The following TRPM6 variants were observed in gnomAD, a reference collection of about 807,000 sequenced individuals.
TRPM6 encodes the protein channel kinase 2.
TRPM6 carries 111 observed loss-of-function variants against 247.6 expected under a neutral mutation model. The ratio of observed to expected loss-of-function variants is 0.45; its 90% CI spans 0.38 to 0.52. TRPM6 has a LOEUF of 0.52. TRPM6 is among the 20% of genes least tolerant of loss of function. The pLI, the probability that TRPM6 is intolerant of heterozygous loss-of-function variation, is 0.00. For synonymous variants in TRPM6, 892 were observed against 853.8 expected, an observed-to-expected ratio of 1.04 and a Z score of -0.78; for missense variants, 2,126 against 2,421.5, an observed-to-expected ratio of 0.88 and a Z score of 2.56.
Position 74,760,777 on chromosome 9 carries a change from A to C in TRPM6, c.4785+919T>G, listed in dbSNP as rs192005830. 9.2e-5 allele frequency among the ~76,000 whole-genome samples: 14 copies of C among 152,322 alleles called. No homozygotes were observed. In the East Asian group the frequency reaches 1.7e-3, roughly 19 times the overall value. On this transcript the variant is annotated intron_variant, in intron 27 of 38. Transcript: ENST00000360774. ...CCAGTGTAATCATATTAAGAGATGG[A>C]GACTTTAAGAGGTGACTGGATCATG...
chr9:74,791,391 T>C (rs940354887), intron 19 of TRPM6, among the ~76,000 whole-genome samples: 1 of 152,142 alleles, frequency 6.6e-6, no homozygotes, highest in Non-Finnish European at 1.5e-5. Context: ...GTTTTAGATA[T>C]ACAAACTCTT....
intron 3 of TRPM6, among the ~76,000 whole-genome samples, chr9:74,851,158 T>C (rs1830298054): frequency 6.6e-6 from 1 of 152,138 alleles, no homozygotes; most frequent in Non-Finnish European, 1.5e-5. Flanking sequence ...GAAACAGACC[T>C]CCAAAATTAA....
chr9:74,814,751 C>T (rs1465128226), intron 11 of TRPM6, among the ~76,000 whole-genome samples: 1 of 152,050 alleles, frequency 6.6e-6, no homozygotes, highest in Non-Finnish European at 1.5e-5. Context: ...AGGAGTTCGA[C>T]CAGCCTAGCC....
chr9:74,864,103 G>GCCGGACCATCTCTGGAC (rs367645416), intron 1 of TRPM6, among the ~76,000 whole-genome samples: 1 of 152,046 alleles, frequency 6.6e-6, no homozygotes, highest in African/African-American at 2.4e-5. Flanking sequence ...ATGTTTACTT[G>GCCGGACCATCTCTGGAC]CATTCACTGG....
chr9:74,810,899 C>T (rs770202309), intron 12 of TRPM6, 31 bp from the exon 13 acceptor site: 2 of 1,580,402 alleles, frequency 1.3e-6, no homozygotes, highest in East Asian at 2.2e-5. Flanking sequence ...AAGAATTATT[C>T]TCTTTAATTA....
intron 25 of TRPM6, among the ~76,000 whole-genome samples, chr9:74,766,079 A>C (rs1012975706): frequency 6.6e-6 from 1 of 152,220 alleles, no homozygotes; most frequent in Non-Finnish European, 1.5e-5. Context: ...TCTAATTCAA[A>C]AACAGTACAG....
rs1286102532 is a variant in TRPM6, at chr9:74,724,412, A to C, written c.*201T>G. ...TGTGGAACTTGAGGATGGAGCTGCA[A>C]AGTGCCCTGGACAGAGGTCAGTGTC... On this transcript the variant is annotated 3_prime_UTR_variant, in exon 39 of 39. Transcript: ENST00000360774. 4 of 664,448 alleles carry C rather than the reference A, an allele frequency of 6.0e-6. No homozygotes were observed. The highest frequency in any genetic ancestry group is 3.6e-5 in the African/African-American group (2 of 55,116). The allele number at this position is 664,448 out of a possible 1,614,324, so 41.2% of individuals were successfully genotyped here. A position where few individuals can be genotyped will look rare whatever the true frequency, so the allele number is the denominator to read the frequency against.
At chr9:74,837,755 T>G in intron 5 of TRPM6, among the ~76,000 whole-genome samples, 1 of 150,676 alleles carries the variant, frequency 6.6e-6, no homozygotes, top group Non-Finnish European at 1.5e-5. Context: ...CCCCTTTTTT[T>G]TTTTTTTTTT....
chr9:74,770,284 A>G (rs759279044), intron 25 of TRPM6, among the ~76,000 whole-genome samples: 7 of 152,198 alleles, frequency 4.6e-5, no homozygotes, highest in Non-Finnish European at 7.3e-5. Flanking sequence ...TTGACATCAG[A>G]AAAAAACATG....
At chr9:74,754,632 A>G (rs1353287937) in intron 28 of TRPM6, among the ~76,000 whole-genome samples, 8 of 152,212 alleles carry the variant, frequency 5.3e-5, no homozygotes, top group Non-Finnish European at 1.2e-4. Context: ...ATTTCAATAC[A>G]ATGTCTACCT....
At chr9:74,802,359 T>C (rs1015452793) in intron 15 of TRPM6, among the ~76,000 whole-genome samples, 184 bp from the exon 16 acceptor site, 2 of 152,196 alleles carry the variant, frequency 1.3e-5, no homozygotes, top group African/African-American at 2.4e-5. Context: ...CTACTTCTTG[T>C]TGCATTTAAC....
intron 12 of TRPM6, 55 bp downstream of exon 12, chr9:74,812,244 T>A: frequency 3.9e-5 from 63 of 1,609,750 alleles, no homozygotes; most frequent in Non-Finnish European, 5.2e-5. Context: ...TGCTTGATGA[T>A]CCTTGCTCTT....
At chr9:74,778,659 T>C (rs373012989) in intron 23 of TRPM6, among the ~76,000 whole-genome samples, 1 of 152,158 alleles carries the variant, frequency 6.6e-6, no homozygotes, top group Admixed American at 6.5e-5. Context: ...CTTCTTTCAG[T>C]GGTGGCCAAG....
chr9:74,844,515 G>C (rs921110936), intron 3 of TRPM6, among the ~76,000 whole-genome samples: 9 of 152,132 alleles, frequency 5.9e-5, no homozygotes, highest in Non-Finnish European at 1.2e-4. Flanking sequence ...ACCAACATCT[G>C]CTAGGTTCAA....
chr9:74,831,046 A>ATAT (rs897658538), intron 6 of TRPM6, among the ~76,000 whole-genome samples: 6 of 151,954 alleles, frequency 3.9e-5, no homozygotes, highest in Non-Finnish European at 7.4e-5. Context: ...TCTTATCACA[A>ATAT]TATTATTATT....
intron 23 of TRPM6, among the ~76,000 whole-genome samples, chr9:74,781,536 C>A (rs1269534938): frequency 1.8e-3 from 171 of 93,428 alleles, no homozygotes; most frequent in Middle Eastern, 5.6e-3. Context: ...GACTCTATCT[C>A]AAAAAAAAAA....
At chr9:74,763,648 T>C (rs1125437) in intron 25 of TRPM6, among the ~76,000 whole-genome samples, 33,050 of 151,708 alleles carry the variant, frequency 0.22, 4,312 homozygotes, top group African/African-American at 0.35. Context: ...AAAAAAAAAA[T>C]CTCTAACTCT....
chr9:74,816,383 CAT>C (rs879494305), intron 11 of TRPM6, among the ~76,000 whole-genome samples: 12 of 139,754 alleles, frequency 8.6e-5, no homozygotes, highest in Non-Finnish European at 1.8e-4. Flanking sequence ...AATAAAATAA[CAT>C]AAATATATTA....
At position 74,842,308 on chromosome 9, in the gene TRPM6, C is replaced by T. The variant is rs1025368928; in HGVS notation, c.188G>A (p.Gly63Glu). 2 of 1,613,890 alleles carry T rather than the reference C, an allele frequency of 1.2e-6. No homozygotes were observed. The highest frequency in any genetic ancestry group is 2.2e-5 in the East Asian group (1 of 44,894). ...YCGRLIGDHA[G>E]IDYSWTISAA... ...TGAGATGGTCCAGGAATAATCTATC[C>T]CAGCATGGTCTCCAATCAGTCGGCC... The change falls in exon 4 of 39, where the codon GGG becomes GAG. Residue 63 changes from glycine to glutamate, a missense_variant. Gly to Glu is a moderately conservative substitution (Grantham distance 98). Around this residue, in one of 3 missense-constraint regions of TRPM6, gnomAD observed 1,082 missense variants for 1,307.9 expected, o/e 0.83. Coordinates refer to ENST00000360774, the MANE Select transcript of TRPM6 (RefSeq NM_017662.5).
Sources: allele counts gnomAD v4.1 joint callset (sites outside exome capture counted in the v4.1 genomes callset), GRCh38; gene constraint gnomAD v4.1.1; regional missense constraint gnomAD v4.1.1; transcripts MANE v1.5; gene names NCBI Gene and HGNC (gene_info 2026-07-23, HGNC 2026-07-21).